CHODL: variants seen among roughly 807,000 people sequenced by gnomAD.
CHODL encodes the protein chondrolectin.
In CHODL, 29 loss-of-function variants were observed where a neutral mutation model predicts 34.5. That is an observed-to-expected ratio of 0.84 (90% confidence interval 0.63 to 1.15). CHODL has a LOEUF of 1.15. CHODL is among the 50% of genes most tolerant of loss of function. CHODL has a pLI of 0.00. For missense variants in CHODL, 332 were observed against 332.5 expected, an observed-to-expected ratio of 1.00 and a Z score of 0.01; for synonymous variants, 125 against 116.1, an observed-to-expected ratio of 1.08 and a Z score of -0.49.
At chr21:17,998,046 G>A (rs572876847) in intron 1 of CHODL, among the ~76,000 whole-genome samples, 1 of 152,282 alleles carries the variant, frequency 6.6e-6, no homozygotes, top group South Asian at 2.1e-4. Flanking sequence ...CCACCTATGA[G>A]CCTATCAAAT....
intron 2 of CHODL, among the ~76,000 whole-genome samples, chr21:18,159,944 C>T (rs1313138041): frequency 6.6e-6 from 1 of 152,320 alleles, no homozygotes; most frequent in African/African-American, 2.4e-5. Flanking sequence ...GAAAGGAACA[C>T]ATTTTTGCTA....
At chr21:18,205,155 G>A (rs2073698162) in intron 2 of CHODL, among the ~76,000 whole-genome samples, 1 of 152,178 alleles carries the variant, frequency 6.6e-6, no homozygotes, top group South Asian at 2.1e-4. Context: ...GGGCCTCCTT[G>A]TGGTGTTCCA....
At chr21:18,102,062 G>A (rs770467360) in intron 2 of CHODL, among the ~76,000 whole-genome samples, 2 of 152,146 alleles carry the variant, frequency 1.3e-5, no homozygotes, top group Non-Finnish European at 2.9e-5. Context: ...CCAGGATGAA[G>A]ATATTTGAGT....
Position 18,266,194 on chromosome 21 carries a change from C to A in CHODL, c.*156C>A. 1 of 1,540,172 alleles carries A rather than the reference C, an allele frequency of 6.5e-7. No individual in the cohort carries two copies. Among genetic ancestry groups the A allele is most frequent in the South Asian group, 1.2e-5 (1 of 82,260 alleles). The stretch of plus-strand genomic sequence containing the variant: ...AAATATTAAAGTAATTTTTATATGT[C>A]TATTATTTCATTTAAAGAATATGCT... On this transcript the variant is annotated 3_prime_UTR_variant, in exon 6 of 6. Transcript: ENST00000299295.
At chr21:18,232,576 C>T (rs903972717) in intron 2 of CHODL, among the ~76,000 whole-genome samples, 1 of 151,986 alleles carries the variant, frequency 6.6e-6, no homozygotes, top group African/African-American at 2.4e-5. Flanking sequence ...TAGGTACCCA[C>T]AATATTGTGG....
In CHODL at chr21:18,245,182, G is replaced by A; in HGVS notation, c.-42G>A. The A allele has an allele frequency of 1.6e-6, 2 of 1,222,302 alleles. No individual in the cohort carries two copies. The highest frequency in any genetic ancestry group is 2.2e-6 in the Non-Finnish European group (2 of 913,300). 75.7% of individuals were successfully genotyped at this position (1,222,302 alleles called of 1,614,324 possible). A position where few individuals can be genotyped will look rare whatever the true frequency, so the allele number is the denominator to read the frequency against. Reference sequence around the variant, plus strand: ...GCGGGCTGCGCCCTGGGCAGAGGCCGCCCTCGCTCCACGCAACACCTGCTG... The same window carrying A: ...GCGGGCTGCGCCCTGGGCAGAGGCCACCCTCGCTCCACGCAACACCTGCTG... On this transcript the variant is annotated 5_prime_UTR_variant, in exon 1 of 6. Coordinates refer to ENST00000299295, the MANE Select transcript of CHODL (RefSeq NM_024944.3).
chr21:18,060,657 CT>C (rs2064650581), intron 2 of CHODL, among the ~76,000 whole-genome samples: 1 of 148,616 alleles, frequency 6.7e-6, no homozygotes, highest in Admixed American at 6.7e-5. Flanking sequence ...ATTTGAAGAC[CT>C]AGGTACCTCT....
chr21:18,028,730 T>G (rs197518), intron 2 of CHODL, among the ~76,000 whole-genome samples: 97,237 of 145,448 alleles, frequency 0.67, 33,325 homozygotes, highest in African/African-American at 0.79. Context: ...AAAGAACTAG[T>G]CTTGTTAACT....
intron 2 of CHODL, among the ~76,000 whole-genome samples, chr21:18,181,620 G>C (rs2146677291): frequency 6.6e-6 from 1 of 152,248 alleles, no homozygotes; most frequent in Non-Finnish European, 1.5e-5. Flanking sequence ...TGGATATCCT[G>C]ACCTCGTGAT....
intron 2 of CHODL, among the ~76,000 whole-genome samples, chr21:18,033,895 T>C (rs1198401241): frequency 6.6e-6 from 1 of 152,026 alleles, no homozygotes; most frequent in Non-Finnish European, 1.5e-5. Context: ...TGATATAGTC[T>C]GTACTATATT....
At chr21:18,005,875 G>T (rs899083222) in intron 1 of CHODL, among the ~76,000 whole-genome samples, 2 of 152,148 alleles carry the variant, frequency 1.3e-5, no homozygotes, top group Non-Finnish European at 2.9e-5. Context: ...AATGGATGCT[G>T]GGTGATATGG....
At chr21:18,150,460 A>G (rs973175674) in intron 2 of CHODL, among the ~76,000 whole-genome samples, 1 of 152,170 alleles carries the variant, frequency 6.6e-6, no homozygotes, top group African/African-American at 2.4e-5. Flanking sequence ...GGTTTGCAGT[A>G]CAGTTCCGGA....
At chr21:17,983,921 T>A (rs1163321096) in intron 1 of CHODL, among the ~76,000 whole-genome samples, 1 of 131,366 alleles carries the variant, frequency 7.6e-6, no homozygotes, top group Non-Finnish European at 1.6e-5. Flanking sequence ...GTGGGGGGGG[T>A]GGGGGCAAGA....
chr21:18,112,102 T>C (rs2065358214), intron 2 of CHODL, among the ~76,000 whole-genome samples: 1 of 152,176 alleles, frequency 6.6e-6, no homozygotes, highest in Admixed American at 6.5e-5. Context: ...GGTGAGGACA[T>C]GTGGACTATA....
intron 2 of CHODL, among the ~76,000 whole-genome samples, chr21:18,202,458 G>A (rs1409092536): frequency 1.3e-5 from 2 of 152,094 alleles, no homozygotes; most frequent in Non-Finnish European, 2.9e-5. Context: ...TCCACCCTTG[G>A]CACATGCATC....
chr21:17,973,072 G>A (rs1249599572), intron 1 of CHODL, among the ~76,000 whole-genome samples: 1 of 152,148 alleles, frequency 6.6e-6, no homozygotes, highest in Non-Finnish European at 1.5e-5. Flanking sequence ...ATGGTGCTGG[G>A]AAAACTGGCT....
intron 1 of CHODL, among the ~76,000 whole-genome samples, chr21:17,936,986 A>G (rs1483124103): frequency 1.4e-4 from 22 of 151,744 alleles, no homozygotes; most frequent in Admixed American, 1.4e-3. Flanking sequence ...AGGCAGGAGA[A>G]TCACTTGAAC....
chr21:17,981,897 T>C (rs2063716744), intron 1 of CHODL, among the ~76,000 whole-genome samples: 1 of 152,128 alleles, frequency 6.6e-6, no homozygotes, highest in South Asian at 2.1e-4. Context: ...CAAATGAAAA[T>C]GTATGAAAGC....
rs576898597 is a variant in CHODL at position 18,131,089 on chromosome 21, G to T, written c.-45+103118G>T. On this transcript the variant is annotated intron_variant, in intron 2 of 6. Coordinates refer to the CHODL transcript ENST00000400127. The stretch of plus-strand genomic sequence containing the variant: ...CAAATGGCCGCCTGGCTTGCAAATG[G>T]CAGGGGAAAAGAGAGGAAGACAGAG... Among the ~76,000 whole-genome samples, 196 of 152,154 alleles carry T rather than the reference G, an allele frequency of 1.3e-3. 1 individual carries two copies. Among genetic ancestry groups the T allele is most frequent in the African/African-American group, 4.1e-3 (172 of 41,486 alleles).
Sources: allele counts gnomAD v4.1 joint callset (sites outside exome capture counted in the v4.1 genomes callset), GRCh38; gene constraint gnomAD v4.1.1; transcripts MANE v1.5; gene names NCBI Gene and HGNC (gene_info 2026-07-23, HGNC 2026-07-21).